Variants in PPP2R3A observed in about 807,000 individuals in gnomAD.
PPP2R3A encodes protein phosphatase 2 regulatory subunit B''alpha.
A neutral mutation model predicts 106.9 loss-of-function variants in PPP2R3A; 80 were observed. That is an observed-to-expected ratio of 0.75 (90% CI 0.62 to 0.90). The LOEUF (loss-of-function observed/expected upper bound fraction) is 0.90, where lower values mean the gene tolerates loss of function less well. Among genes scored for constraint, PPP2R3A ranks in the 40% least tolerant of loss-of-function variants. PPP2R3A has a pLI of 0.00. For missense variants in PPP2R3A, 1,386 were observed against 1,350.4 expected, an observed-to-expected ratio of 1.03 and a Z score of -0.41; for synonymous variants, 483 against 468.3, an observed-to-expected ratio of 1.03 and a Z score of -0.41.
In PPP2R3A at chr3:136,103,281, AAG is replaced by A; in HGVS notation, c.3130_3131del (p.Arg1044ValfsTer9). ...VDGKITLRDL[K>X]RCRMAHIFYD... is the part of the protein sequence containing the mutation. ...AGGCAAAATAACTCTAAGAGATCTG[AAG>A]AGGTGCAGAATGGCTCACATCTTCT... On this transcript the variant is annotated frameshift_variant, in exon 12 of 14. Coordinates refer to ENST00000264977, the MANE Select transcript of PPP2R3A (RefSeq NM_002718.5). LOFTEE classifies it high-confidence loss of function. The A allele has an allele frequency of 6.2e-7, 1 of 1,606,076 alleles. No homozygotes were observed. The highest frequency in any genetic ancestry group is 8.5e-7 in the Non-Finnish European group (1 of 1,173,564).
At chr3:136,027,997 A>G (rs1022185944) in intron 3 of PPP2R3A, among the ~76,000 whole-genome samples, 4 of 152,190 alleles carry the variant, frequency 2.6e-5, no homozygotes, top group Admixed American at 1.3e-4. Context: ...ATAAACCTCA[A>G]ACTTCTCTTC....
intron 4 of PPP2R3A, among the ~76,000 whole-genome samples, chr3:136,044,275 T>C (rs1935395600): frequency 6.6e-6 from 1 of 152,170 alleles, no homozygotes; most frequent in Non-Finnish European, 1.5e-5. Flanking sequence ...TATACATCTG[T>C]TTGATCAAAA....
At chr3:136,130,970 A>C (rs1424917877) in intron 13 of PPP2R3A, among the ~76,000 whole-genome samples, 2 of 152,224 alleles carry the variant, frequency 1.3e-5, no homozygotes, top group Non-Finnish European at 2.9e-5. Flanking sequence ...GAAAGCTGAA[A>C]CTGGATCCCT....
At chr3:136,126,764 G>A (rs991343359) in intron 13 of PPP2R3A, among the ~76,000 whole-genome samples, 30 of 152,086 alleles carry the variant, frequency 2.0e-4, no homozygotes, top group East Asian at 1.9e-4. Flanking sequence ...TCATATAAGC[G>A]GCTGCCCCTC....
At chr3:136,083,875 G>A (rs1283347479) in intron 8 of PPP2R3A, among the ~76,000 whole-genome samples, 2 of 152,240 alleles carry the variant, frequency 1.3e-5, no homozygotes, top group African/African-American at 4.8e-5. Flanking sequence ...CTGCCCTAGA[G>A]ATCTGTGGAA....
chr3:136,058,550 G>A (rs149938325), intron 5 of PPP2R3A, among the ~76,000 whole-genome samples: 11 of 152,130 alleles, frequency 7.2e-5, no homozygotes, highest in African/African-American at 2.7e-4. Context: ...CATGCTCATG[G>A]GTAGCAAGAA....
intron 5 of PPP2R3A, among the ~76,000 whole-genome samples, chr3:136,053,850 T>G (rs1340809501): frequency 6.6e-6 from 1 of 152,202 alleles, no homozygotes; most frequent in Non-Finnish European, 1.5e-5. Context: ...GACCTACTTA[T>G]ATTTCCACAG....
intron 13 of PPP2R3A, among the ~76,000 whole-genome samples, chr3:136,108,010 C>T (rs1328308261): frequency 3.9e-5 from 6 of 152,056 alleles, no homozygotes; most frequent in Non-Finnish European, 5.9e-5. Flanking sequence ...CCCAGGAGTT[C>T]GAGACCAGCC....
At chr3:136,101,113 C>A (rs1011371939) in intron 10 of PPP2R3A, among the ~76,000 whole-genome samples, 2 of 151,942 alleles carry the variant, frequency 1.3e-5, no homozygotes, top group African/African-American at 4.8e-5. Flanking sequence ...ACTAAGCAGC[C>A]CAGATTAGAG....
At chr3:135,991,957 T>G (rs1201631529) in intron 1 of PPP2R3A, among the ~76,000 whole-genome samples, 1 of 152,224 alleles carries the variant, frequency 6.6e-6, no homozygotes, top group South Asian at 2.1e-4. Context: ...CCTAAAGCAT[T>G]AATTTTTCTG....
chr3:136,010,388 C>T (rs1401181440), intron 2 of PPP2R3A, among the ~76,000 whole-genome samples: 3 of 140,794 alleles, frequency 2.1e-5, no homozygotes, highest in Non-Finnish European at 4.5e-5. Flanking sequence ...GCAGCTGGGA[C>T]TACAGGCGCA....
intron 11 of PPP2R3A, among the ~76,000 whole-genome samples, chr3:136,102,658 A>G (rs1414432941): frequency 6.6e-6 from 1 of 151,990 alleles, no homozygotes; most frequent in Non-Finnish European, 1.5e-5. Flanking sequence ...TAGTGTAGCA[A>G]TTGATGGCAA....
intron 7 of PPP2R3A, among the ~76,000 whole-genome samples, chr3:136,081,132 A>G (rs1936769292): frequency 6.6e-6 from 1 of 151,956 alleles, no homozygotes; most frequent in African/African-American, 2.4e-5. Flanking sequence ...AGCTGGGATT[A>G]CAGGCGCCTG....
At chr3:135,991,230 C>T (rs1047338634) in intron 1 of PPP2R3A, among the ~76,000 whole-genome samples, 5 of 152,114 alleles carry the variant, frequency 3.3e-5, no homozygotes, top group Admixed American at 3.3e-4. Flanking sequence ...GGGTACCTGG[C>T]CTGTAGTGGG....
At chr3:136,124,762 C>G (rs1336416978) in intron 13 of PPP2R3A, among the ~76,000 whole-genome samples, 1 of 150,678 alleles carries the variant, frequency 6.6e-6, no homozygotes, top group Non-Finnish European at 1.5e-5. Flanking sequence ...TTCAGCTAAA[C>G]CAACAAAAAA....
chr3:136,044,570 CAAAA>C (rs1247139572), intron 4 of PPP2R3A, among the ~76,000 whole-genome samples: 5 of 76,090 alleles, frequency 6.6e-5, no homozygotes, highest in Non-Finnish European at 9.5e-5. Flanking sequence ...GACCCTGTCT[CAAAA>C]AAAAAAAAAA....
intron 7 of PPP2R3A, among the ~76,000 whole-genome samples, chr3:136,081,571 T>G (rs773139049): frequency 6.6e-6 from 1 of 152,222 alleles, no homozygotes; most frequent in Non-Finnish European, 1.5e-5. Flanking sequence ...TCTTACATTC[T>G]TTTGTGCTTT....
intron 1 of PPP2R3A, among the ~76,000 whole-genome samples, chr3:135,997,093 C>G (rs1465662762): frequency 6.6e-6 from 1 of 152,150 alleles, no homozygotes; most frequent in Admixed American, 6.5e-5. Context: ...GCTCAAATAT[C>G]TTCTGTCCTT....
intron 5 of PPP2R3A, among the ~76,000 whole-genome samples, chr3:136,062,774 G>A (rs1467704126): frequency 6.6e-6 from 1 of 151,226 alleles, no homozygotes; most frequent in Non-Finnish European, 1.5e-5. Flanking sequence ...GTGTCAATAA[G>A]TTAAACAAAT....
Sources: allele counts gnomAD v4.1 joint callset (sites outside exome capture counted in the v4.1 genomes callset), GRCh38; gene constraint gnomAD v4.1.1; transcripts MANE v1.5; gene names NCBI Gene and HGNC (gene_info 2026-07-23, HGNC 2026-07-21).